Variants in DPH6 observed in about 807,000 individuals in gnomAD.
DPH6 encodes diphthamine biosynthesis 6.
DPH6 carries 33 observed loss-of-function variants against 38.2 expected under a neutral mutation model. That is an observed-to-expected ratio of 0.86 (90% confidence interval 0.65 to 1.15). DPH6 has a LOEUF of 1.15. DPH6 is among the 50% of genes most tolerant of loss of function. The pLI is 0.00. For missense variants in DPH6, 325 were observed against 320.0 expected, an observed-to-expected ratio of 1.02 and a Z score of -0.12; for synonymous variants, 108 against 103.0, an observed-to-expected ratio of 1.05 and a Z score of -0.30.
chr15:35,538,531 C>T (rs2055206903), intron 2 of DPH6, 64 bp from the exon 3 acceptor site: 1 of 1,372,016 alleles, frequency 7.3e-7, no homozygotes, highest in Non-Finnish European at 9.6e-7. Flanking sequence ...ATTTGAAAGC[C>T]CATCCAGGTT....
chr15:35,258,842 T>A (rs1456285605), intron 3 of DPH6, among the ~76,000 whole-genome samples: 1 of 152,044 alleles, frequency 6.6e-6, no homozygotes, highest in Non-Finnish European at 1.5e-5. Flanking sequence ...TCCATATGCA[T>A]CTTCTCCTTA....
At position 35,289,754 on chromosome 15, in the gene DPH6, TATGA is replaced by T. The variant is rs138140791; in HGVS notation, n.201-69176_201-69173del. Among the ~76,000 whole-genome samples the T allele has an allele frequency of 3.3e-3, 500 of 152,360 alleles. 4 individuals are homozygous for T. Among genetic ancestry groups the T allele is most frequent in the African/African-American group, 0.012 (480 of 41,586 alleles). The stretch of plus-strand genomic sequence containing the variant: ...AATGTATCTAAACTGTTTTGTCCTT[TATGA>T]ATGTTTCCTGAAATGTCAGAACAAA... On this transcript the variant is annotated intron_variant and non_coding_transcript_variant, in intron 3 of 3. Coordinates refer to the DPH6 transcript ENST00000560386.
At chr15:35,362,202 T>C (rs1451940024) in intron 3 of DPH6, among the ~76,000 whole-genome samples, 1 of 152,162 alleles carries the variant, frequency 6.6e-6, no homozygotes, top group Non-Finnish European at 1.5e-5. Flanking sequence ...TTTTCCAGTT[T>C]CCTTTTCAGA....
intron 3 of DPH6, among the ~76,000 whole-genome samples, chr15:35,510,356 C>T (rs1041185045): frequency 2.0e-5 from 3 of 152,192 alleles, no homozygotes; most frequent in African/African-American, 7.2e-5. Context: ...CAGGTTCTGA[C>T]ATACATCTTT....
intron 3 of DPH6, among the ~76,000 whole-genome samples, chr15:35,251,297 G>A (rs2051671865): frequency 1.3e-5 from 2 of 152,114 alleles, no homozygotes; most frequent in Non-Finnish European, 2.9e-5. Flanking sequence ...AACTGGCTAT[G>A]GATTCTCATC....
At chr15:35,520,229 AC>A (rs146512813) in intron 3 of DPH6, 244,880 of 497,918 alleles carry the variant, frequency 0.49, 47,780 homozygotes, top group East Asian at 0.77. Flanking sequence ...ACAAAAAAAA[AC>A]AAAAAAAAAA....
At chr15:35,450,486 T>G (rs2053918234) in intron 5 of DPH6, among the ~76,000 whole-genome samples, 199 bp downstream of exon 5, 2 of 149,518 alleles carry the variant, frequency 1.3e-5, no homozygotes, top group Admixed American at 6.7e-5. Flanking sequence ...TTACTAGTAA[T>G]CACTTCGGCA....
chr15:35,380,953 G>C (rs1050593780), intron 7 of DPH6, among the ~76,000 whole-genome samples: 1 of 152,146 alleles, frequency 6.6e-6, no homozygotes, highest in African/African-American at 2.4e-5. Flanking sequence ...ATGAAAGCAA[G>C]AGTGCATGAA....
chr15:35,148,692 G>T, the DPH6 span, among the ~76,000 whole-genome samples: 1 of 152,066 alleles, frequency 6.6e-6, no homozygotes, highest in South Asian at 2.1e-4. Context: ...GCTGAAATTA[G>T]AACCCAGGTC....
chr15:35,151,547 G>A, the DPH6 span, among the ~76,000 whole-genome samples: 27 of 152,350 alleles, frequency 1.8e-4, no homozygotes, highest in African/African-American at 6.0e-4. Flanking sequence ...CCTCATGTCT[G>A]CATGGGTTTT....
At chr15:35,501,141 C>T (rs1347523029) in intron 3 of DPH6, among the ~76,000 whole-genome samples, 2 of 152,016 alleles carry the variant, frequency 1.3e-5, no homozygotes, top group African/African-American at 2.4e-5. Flanking sequence ...CCCTTTTTCC[C>T]ATCTCATCGA....
intron 3 of DPH6, among the ~76,000 whole-genome samples, chr15:35,476,901 T>C (rs972233181): frequency 6.6e-6 from 1 of 152,022 alleles, no homozygotes; most frequent in Non-Finnish European, 1.5e-5. Flanking sequence ...GGCTTTTCTT[T>C]TCATTTTTAT....
chr15:35,315,123 C>A (rs2052177708), intron 3 of DPH6, among the ~76,000 whole-genome samples: 1 of 152,186 alleles, frequency 6.6e-6, no homozygotes, highest in Admixed American at 6.5e-5. Flanking sequence ...TTCTTCACGA[C>A]AACACCTGAC....
At chr15:35,537,468 TGG>T (rs1363586610) in intron 3 of DPH6, among the ~76,000 whole-genome samples, 33 of 152,162 alleles carry the variant, frequency 2.2e-4, no homozygotes, top group Non-Finnish European at 3.8e-4. Flanking sequence ...TTCAAATAGT[TGG>T]CTATCAATAA....
intron 3 of DPH6, among the ~76,000 whole-genome samples, chr15:35,315,015 C>T (rs929311439): frequency 2.0e-5 from 3 of 151,998 alleles, no homozygotes; most frequent in African/African-American, 4.8e-5. Context: ...TGAATCCTGG[C>T]GAAATGATTA....
chr15:35,359,839 A>G (rs1025550497), intron 3 of DPH6, among the ~76,000 whole-genome samples: 1 of 151,636 alleles, frequency 6.6e-6, no homozygotes, highest in African/African-American at 2.4e-5. Flanking sequence ...CAGTTCCAGG[A>G]TTTCCATCTG....
the DPH6 span, among the ~76,000 whole-genome samples, chr15:35,160,086 G>T: frequency 6.6e-6 from 1 of 151,886 alleles, no homozygotes; most frequent in South Asian, 2.1e-4. Flanking sequence ...GCTACCTATC[G>T]GGTACTATGC....
intron 3 of DPH6, among the ~76,000 whole-genome samples, chr15:35,473,913 AGTGTGTGTGTGTGTGTGTGTGTGTGT>A (rs58549209): frequency 1.0e-4 from 13 of 126,790 alleles, no homozygotes; most frequent in African/African-American, 2.4e-4. Context: ...CACTGTGCAC[AGTGTGTGTGTGTGTGTGTGTGTGTGT>A]GTGTGTGTGT....
intron 6 of DPH6, among the ~76,000 whole-genome samples, chr15:35,402,321 C>A (rs373735768): frequency 3.3e-5 from 5 of 152,064 alleles, no homozygotes; most frequent in African/African-American, 1.2e-4. Context: ...AGGGATTACC[C>A]AAGCAAAATC....
Sources: gnomAD v4.1 joint callset for allele counts (sites outside exome capture counted in the v4.1 genomes callset) on GRCh38, gnomAD v4.1.1 for gene constraint, MANE v1.5 for transcripts, NCBI Gene and HGNC (gene_info 2026-07-23, HGNC 2026-07-21) for gene names.